Variants in ARSF observed in about 807,000 individuals in gnomAD.
ARSF encodes the protein arylsulfatase F.
Under a neutral mutation model 35.4 loss-of-function variants are expected in ARSF, and 33 were observed. That is an observed-to-expected ratio of 0.93 (90% CI 0.71 to 1.25). The LOEUF (loss-of-function observed/expected upper bound fraction) is 1.25, where lower values mean the gene tolerates loss of function less well. Ranked by LOEUF, ARSF falls within the 50% of genes most tolerant of loss-of-function variation. The pLI is 0.00. For missense variants in ARSF, 501 were observed against 480.2 expected, an observed-to-expected ratio of 1.04 and a Z score of -0.40; for synonymous variants, 222 against 193.1, an observed-to-expected ratio of 1.15 and a Z score of -1.24.
chrX:3,111,661 A>G (rs1226096618), intron 10 of ARSF, among the ~76,000 whole-genome samples: 1 of 110,537 alleles, frequency 9.0e-6, no homozygotes, highest in African/African-American at 3.3e-5. Flanking sequence ...GATGATTCAA[A>G]TGCATGACAT....
intron 7 of ARSF, among the ~76,000 whole-genome samples, chrX:3,100,073 A>G (rs1221751541): frequency 8.9e-6 from 1 of 112,014 alleles, no homozygotes; most frequent in Non-Finnish European, 1.9e-5. Flanking sequence ...CTATTTTCCT[A>G]TAAAAATGAT....
At chrX:3,082,287 C>T (rs1041629022) in intron 5 of ARSF, among the ~76,000 whole-genome samples, 3 of 111,460 alleles carry the variant, frequency 2.7e-5, no homozygotes, top group Non-Finnish European at 3.8e-5. Flanking sequence ...CATGCTGGTC[C>T]ATCCTCCATG....
intron 7 of ARSF, among the ~76,000 whole-genome samples, chrX:3,096,288 C>T (rs2090337782): frequency 9.0e-6 from 1 of 110,715 alleles, no homozygotes; most frequent in Admixed American, 9.8e-5. Flanking sequence ...AGCTACTATT[C>T]ATTATAGCTC....
chrX:3,104,649 C>T (rs1186376860), intron 9 of ARSF, among the ~76,000 whole-genome samples: 2 of 111,718 alleles, frequency 1.8e-5, no homozygotes, highest in African/African-American at 3.3e-5. Flanking sequence ...CACCTCACCA[C>T]GCAAAACAGA....
chrX:3,095,257 T>C (rs989660749), intron 7 of ARSF, among the ~76,000 whole-genome samples: 6 of 109,399 alleles, frequency 5.5e-5, no homozygotes, highest in African/African-American at 2.0e-4. Flanking sequence ...CTCAAAGTAA[T>C]TTAATATTAT....
intron 5 of ARSF, among the ~76,000 whole-genome samples, chrX:3,082,346 C>A (rs752172952): frequency 1.8e-5 from 2 of 111,531 alleles, no homozygotes; most frequent in East Asian, 5.7e-4. Flanking sequence ...CTCCATCCAT[C>A]CATCAACCCA....
chrX:3,091,701 G>A (rs1028451205), intron 7 of ARSF, among the ~76,000 whole-genome samples: 1 of 112,103 alleles, frequency 8.9e-6, no homozygotes, highest in African/African-American at 3.2e-5. Context: ...AGGTATAAGT[G>A]TGTGTGTCTG....
chrX:3,112,029 T>G, intron 10 of ARSF, 145 bp from the exon 11 acceptor site: 3 of 457,924 alleles, frequency 6.6e-6, no homozygotes, highest in Middle Eastern at 6.1e-4. Flanking sequence ...TCACCTCCTG[T>G]GTGTGACCAG....
chrX:3,055,129 G>C (rs1260003336), intron 1 of ARSF, among the ~76,000 whole-genome samples: 1 of 106,502 alleles, frequency 9.4e-6, no homozygotes, highest in Non-Finnish European at 1.9e-5. Flanking sequence ...GATCACCTGA[G>C]GTCAGGAGTT....
In ARSF at chrX:3,056,116, CT is replaced by C. The variant is rs745994591; in HGVS notation, c.-28-11956del. Among the ~76,000 whole-genome samples, 5 of 110,059 alleles carry C rather than the reference CT, an allele frequency of 4.5e-5. No homozygotes were observed. In the South Asian group the frequency reaches 2.0e-3, roughly 43 times the overall value. ...GGACCACAGGTGTGTGCCACCGTGCCTGGATAATTTTTGTAAAATATTTTTT... is the reference window on the plus strand; with the variant it reads ...GGACCACAGGTGTGTGCCACCGTGCCGGATAATTTTTGTAAAATATTTTTT... On this transcript the variant is annotated intron_variant, in intron 1 of 10. Coordinates refer to ENST00000381127, the MANE Select transcript of ARSF (RefSeq NM_001201539.2).
At chrX:3,068,254 T>A in intron 2 of ARSF, 143 bp downstream of exon 2, 1 of 502,924 alleles carries the variant, frequency 2.0e-6, no homozygotes, top group Non-Finnish European at 3.1e-6. Flanking sequence ...TGTAACCTAC[T>A]ATGAGTCAAC....
chrX:3,042,355 T>A (rs968443357), intron 1 of ARSF, among the ~76,000 whole-genome samples: 2 of 112,054 alleles, frequency 1.8e-5, no homozygotes, highest in African/African-American at 6.5e-5. Flanking sequence ...TAAATAAATA[T>A]AATTTAGAAT....
chrX:3,046,771 C>T (rs1254311281), intron 1 of ARSF, among the ~76,000 whole-genome samples: 1 of 110,688 alleles, frequency 9.0e-6, no homozygotes, highest in African/African-American at 3.3e-5. Flanking sequence ...GCCACGTCAA[C>T]CAAAAGTTAC....
chrX:3,068,800 AT>A (rs1452268279), intron 2 of ARSF, among the ~76,000 whole-genome samples: 3 of 111,767 alleles, frequency 2.7e-5, no homozygotes, highest in Non-Finnish European at 5.6e-5. Flanking sequence ...GATGAAAAGC[AT>A]TTCTATAACT....
At chrX:3,109,917 C>T (rs748799045) in intron 9 of ARSF, among the ~76,000 whole-genome samples, 4 of 111,809 alleles carry the variant, frequency 3.6e-5, no homozygotes, top group African/African-American at 6.5e-5. Context: ...ATTCCTCGGC[C>T]TCATCATTTC....
intron 1 of ARSF, among the ~76,000 whole-genome samples, chrX:3,055,951 A>T (rs1251517169): frequency 2.7e-5 from 3 of 111,357 alleles, no homozygotes; most frequent in Non-Finnish European, 5.6e-5. Flanking sequence ...TAAATTTTTA[A>T]TTAAAAAAAA....
chrX:3,059,943 C>T (rs2090034915), intron 1 of ARSF, among the ~76,000 whole-genome samples: 1 of 112,087 alleles, frequency 8.9e-6, no homozygotes, highest in African/African-American at 3.2e-5. Context: ...AGTGGTGCTC[C>T]CAGCATGGTG....
Position 3,041,477 on chromosome X carries a change from G to T in ARSF, c.-215G>T, listed in dbSNP as rs1246697328. ...ACGTAATTTTTGTATTTTTAGTGGA[G>T]ACAGGCTCTCACCATGTTGACCAGG... On this transcript the variant is annotated 5_prime_UTR_variant, in exon 1 of 11. Coordinates refer to ENST00000381127, the MANE Select transcript of ARSF (RefSeq NM_001201539.2). 1 of 109,569 alleles carries T rather than the reference G, an allele frequency of 9.1e-6. No homozygotes were observed. The highest frequency in any genetic ancestry group is 3.3e-5 in the African/African-American group (1 of 30,060). 9.0% of individuals were successfully genotyped at this position (109,569 alleles called of 1,213,427 possible). A position where few individuals can be genotyped will look rare whatever the true frequency, so the allele number is the denominator to read the frequency against.
intron 7 of ARSF, among the ~76,000 whole-genome samples, chrX:3,092,910 C>T (rs765866466): frequency 2.7e-5 from 3 of 112,252 alleles, no homozygotes; most frequent in South Asian, 3.7e-4. Context: ...CGGTGGCTCA[C>T]GCCTGTAATC....
Sources: allele counts gnomAD v4.1 joint callset (sites outside exome capture counted in the v4.1 genomes callset), GRCh38; gene constraint gnomAD v4.1.1; transcripts MANE v1.5; gene names NCBI Gene and HGNC (gene_info 2026-07-23, HGNC 2026-07-21).